LRRC4C: variants seen among roughly 807,000 people sequenced by gnomAD.
LRRC4C encodes leucine rich repeat containing 4C.
Under a neutral mutation model 33.6 loss-of-function variants are expected in LRRC4C, and 5 were observed. That is an observed-to-expected ratio of 0.15 (90% CI 0.08 to 0.31). The LOEUF (loss-of-function observed/expected upper bound fraction) is 0.31, where lower values mean the gene tolerates loss of function less well. Among genes scored for constraint, LRRC4C ranks in the 10% least tolerant of loss-of-function variants. The pLI, the probability that LRRC4C is intolerant of heterozygous loss-of-function variation, is 1.00. For synonymous variants in LRRC4C, 329 were observed against 302.0 expected, an observed-to-expected ratio of 1.09 and a Z score of -0.93; for missense variants, 560 against 796.7, an observed-to-expected ratio of 0.70 and a Z score of 3.58.
intron 1 of LRRC4C, among the ~76,000 whole-genome samples, chr11:41,209,181 G>T (rs573748996): frequency 6.6e-6 from 1 of 150,986 alleles, no homozygotes; most frequent in African/African-American, 2.4e-5. Flanking sequence ...ACCTGCACAT[G>T]TATCCCTGAA....
At chr11:40,636,868 T>C (rs574283251) in intron 3 of LRRC4C, among the ~76,000 whole-genome samples, 8 of 152,304 alleles carry the variant, frequency 5.3e-5, no homozygotes, top group South Asian at 2.1e-4. Flanking sequence ...GGCAAGGTGC[T>C]ATGCTACCAT....
chr11:40,227,007 C>T (rs897466532), intron 5 of LRRC4C, among the ~76,000 whole-genome samples: 1 of 152,066 alleles, frequency 6.6e-6, no homozygotes, highest in African/African-American at 2.4e-5. Flanking sequence ...AAGGTGAGAC[C>T]TCAAAGGCTG....
At chr11:40,974,674 A>G (rs1851958150) in intron 1 of LRRC4C, among the ~76,000 whole-genome samples, 1 of 152,228 alleles carries the variant, frequency 6.6e-6, no homozygotes, top group Non-Finnish European at 1.5e-5. Context: ...GGTGTGTCTG[A>G]GAAGGTGTTT....
chr11:40,453,507 C>G (rs560425370), intron 3 of LRRC4C, among the ~76,000 whole-genome samples: 71 of 151,584 alleles, frequency 4.7e-4, no homozygotes, highest in Middle Eastern at 6.8e-3. Context: ...TTAATACAAT[C>G]CCAATGAATA....
chr11:41,016,337 C>A (rs1003996684), intron 1 of LRRC4C, among the ~76,000 whole-genome samples: 1 of 151,872 alleles, frequency 6.6e-6, no homozygotes, highest in African/African-American at 2.4e-5. Context: ...AGGAAAAAGA[C>A]CATGGTAGCA....
At position 41,329,852 on chromosome 11, in the gene LRRC4C, A is replaced by G. The variant is rs536632476; in HGVS notation, c.-496+129579T>C. ...AGTGCGTGGACAATTCCACATGAGG[A>G]GGAATTGTGCCAATGGTGCAGGACT... On this transcript the variant is annotated intron_variant, in intron 1 of 6. Transcript: ENST00000528697. 4.6e-5 allele frequency among the ~76,000 whole-genome samples: 7 copies of G among 152,314 alleles called. No individual in the cohort carries two copies. The East Asian group carries it at 1.4e-3, about 29-fold the overall frequency.
intron 4 of LRRC4C, among the ~76,000 whole-genome samples, chr11:40,262,215 C>CA (rs1941900732): frequency 6.6e-6 from 1 of 151,788 alleles, no homozygotes; most frequent in Admixed American, 6.6e-5. Flanking sequence ...ATGGAGGCAA[C>CA]AAACATGAAA....
intron 1 of LRRC4C, among the ~76,000 whole-genome samples, chr11:41,281,189 A>G (rs1202698512): frequency 6.6e-6 from 1 of 151,612 alleles, no homozygotes; most frequent in African/African-American, 2.4e-5. Context: ...GCTAAAATCT[A>G]AAGTGCTATG....
chr11:40,383,981 T>C (rs1272924046), intron 3 of LRRC4C, among the ~76,000 whole-genome samples: 4 of 149,530 alleles, frequency 2.7e-5, no homozygotes, highest in African/African-American at 9.8e-5. Context: ...GTGTCTATTA[T>C]ATATTTTGGA....
At chr11:41,296,315 C>CTTTT (rs11347878) in intron 1 of LRRC4C, among the ~76,000 whole-genome samples, 1 of 147,464 alleles carries the variant, frequency 6.8e-6, no homozygotes, top group Non-Finnish European at 1.5e-5. Context: ...TTATGCTGTG[C>CTTTT]TTTTTTTTTT....
At chr11:40,436,748 G>A (rs777742204) in intron 3 of LRRC4C, among the ~76,000 whole-genome samples, 16 of 152,220 alleles carry the variant, frequency 1.1e-4, no homozygotes, top group Admixed American at 7.9e-4. Flanking sequence ...GAGAATGGCA[G>A]CAGGGATTTC....
At chr11:40,520,406 C>T (rs955299898) in intron 3 of LRRC4C, among the ~76,000 whole-genome samples, 15 of 152,260 alleles carry the variant, frequency 9.9e-5, no homozygotes, top group African/African-American at 3.4e-4. Flanking sequence ...TGTAACTCTT[C>T]TTTTCACTTG....
chr11:40,754,441 C>A, intron 2 of LRRC4C, among the ~76,000 whole-genome samples: 1 of 152,078 alleles, frequency 6.6e-6, no homozygotes, highest in East Asian at 1.9e-4. Context: ...CTCTTAGGAA[C>A]TATTTAGGCC....
intron 1 of LRRC4C, among the ~76,000 whole-genome samples, chr11:41,057,143 C>T (rs1422032665): frequency 6.6e-6 from 1 of 152,206 alleles, no homozygotes; most frequent in Non-Finnish European, 1.5e-5. Context: ...ATTCCCCGAC[C>T]TTCGCAGGCT....
chr11:40,656,528 T>A (rs1943123630), intron 2 of LRRC4C, among the ~76,000 whole-genome samples: 1 of 151,950 alleles, frequency 6.6e-6, no homozygotes, highest in Non-Finnish European at 1.5e-5. Context: ...ACTCTATTTA[T>A]GTCCTTTCAG....
At chr11:41,213,061 A>T (rs1206579085) in intron 1 of LRRC4C, among the ~76,000 whole-genome samples, 1 of 152,228 alleles carries the variant, frequency 6.6e-6, no homozygotes, top group African/African-American at 2.4e-5. Flanking sequence ...GGAGGATTAA[A>T]TATGCTAACA....
intron 1 of LRRC4C, among the ~76,000 whole-genome samples, chr11:41,348,768 G>A (rs1189749528): frequency 6.6e-6 from 1 of 152,130 alleles, no homozygotes; most frequent in African/African-American, 2.4e-5. Context: ...TGGCTCCTGG[G>A]GAAGGGGTCA....
At chr11:41,017,681 GGAGA>G (rs1202771330) in intron 1 of LRRC4C, among the ~76,000 whole-genome samples, 1 of 151,444 alleles carries the variant, frequency 6.6e-6, no homozygotes, top group East Asian at 1.9e-4. Flanking sequence ...GAAAAGTAAG[GGAGA>G]GAAAGATTGG....
At chr11:41,200,207 A>G (rs1341936260) in intron 1 of LRRC4C, among the ~76,000 whole-genome samples, 1 of 152,020 alleles carries the variant, frequency 6.6e-6, no homozygotes, top group Non-Finnish European at 1.5e-5. Context: ...GGTCTTGTTT[A>G]TTGTTGTATT....
Sources: gnomAD v4.1 joint callset for allele counts (sites outside exome capture counted in the v4.1 genomes callset) on GRCh38, gnomAD v4.1.1 for gene constraint, MANE v1.5 for transcripts, NCBI Gene and HGNC (gene_info 2026-07-23, HGNC 2026-07-21) for gene names.